Variants in STPG2 observed in about 807,000 individuals in gnomAD.
The protein encoded by STPG2 is sperm-tail PG-rich repeat-containing protein 2.
A neutral mutation model predicts 54.2 loss-of-function variants in STPG2; 56 were observed. The ratio of observed to expected loss-of-function variants is 1.03; its 90% CI spans 0.83 to 1.29. The LOEUF is 1.29. Among genes scored for constraint, STPG2 ranks in the 50% most tolerant of loss-of-function variants. The pLI, the probability that STPG2 is intolerant of heterozygous loss-of-function variation, is 0.00. For missense variants in STPG2, 596 were observed against 544.9 expected (o/e 1.09, Z -0.93); for synonymous variants, 200 against 181.8 (o/e 1.10, Z -0.81).
At chr4:97,527,630 T>C (rs1175497807) in intron 4 of STPG2, among the ~76,000 whole-genome samples, 1 of 152,184 alleles carries the variant, frequency 6.6e-6, no homozygotes, top group Admixed American at 6.5e-5. Context: ...GTAAAATTGT[T>C]CCTATTTATT....
chr4:97,851,156 C>T (rs1016667920), intron 8 of STPG2, among the ~76,000 whole-genome samples: 3 of 152,144 alleles, frequency 2.0e-5, no homozygotes, highest in Non-Finnish European at 4.4e-5. Flanking sequence ...TTAAACAAGT[C>T]TCTAATGACG....
chr4:97,722,335 T>A (rs1334450212), intron 9 of STPG2, among the ~76,000 whole-genome samples: 1 of 152,152 alleles, frequency 6.6e-6, no homozygotes, highest in African/African-American at 2.4e-5. Context: ...TTAGATGAAA[T>A]CTGATACTAC....
At chr4:97,859,414 G>T (rs1345498245) in intron 8 of STPG2, among the ~76,000 whole-genome samples, 1 of 149,714 alleles carries the variant, frequency 6.7e-6, no homozygotes, top group Non-Finnish European at 1.5e-5. Flanking sequence ...GTTTAATTGG[G>T]TTCATCTATT....
chr4:97,680,024 C>T (rs560627339), intron 10 of STPG2, among the ~76,000 whole-genome samples: 1 of 152,242 alleles, frequency 6.6e-6, no homozygotes, highest in South Asian at 2.1e-4. Context: ...GTTTTGGTTA[C>T]TGTAGCCTTG....
At chr4:97,623,662 A>G (rs1446383609) in intron 10 of STPG2, among the ~76,000 whole-genome samples, 3 of 152,178 alleles carry the variant, frequency 2.0e-5, no homozygotes, top group African/African-American at 2.4e-5. Flanking sequence ...TGCAGGATAC[A>G]TGTGCATGAT....
At chr4:97,825,483 A>G (rs1199939692) in intron 9 of STPG2, among the ~76,000 whole-genome samples, 1 of 152,098 alleles carries the variant, frequency 6.6e-6, no homozygotes, top group African/African-American at 2.4e-5. Flanking sequence ...CTCCTGTGGG[A>G]GATGCATTGA....
chr4:98,034,705 A>G (rs1736715800), intron 5 of STPG2, among the ~76,000 whole-genome samples: 1 of 152,198 alleles, frequency 6.6e-6, no homozygotes, highest in South Asian at 2.1e-4. Context: ...ACTATACTAC[A>G]AGCCTACAGT....
rs371187916 is a variant in STPG2, at chr4:97,975,800, C to G, written c.773-3360G>C. On this transcript the variant is annotated intron_variant, in intron 6 of 10. Coordinates refer to ENST00000295268, the MANE Select transcript of STPG2 (RefSeq NM_174952.3). ...TAAAAATAATAGGAATCGATTAGAT[C>G]AGTGTTTGTCCAAGAACAATCTACA... Among the ~76,000 whole-genome samples the G allele has an allele frequency of 9.9e-5, 15 of 152,216 alleles. No individual in the cohort carries two copies. In the East Asian group the frequency reaches 2.7e-3, roughly 27 times the overall value.
At chr4:97,889,936 C>T (rs1356437560) in intron 8 of STPG2, among the ~76,000 whole-genome samples, 1 of 151,890 alleles carries the variant, frequency 6.6e-6, no homozygotes, top group Non-Finnish European at 1.5e-5. Context: ...GCTTGCCCTC[C>T]CTCAAAAAGA....
chr4:97,856,802 A>T, intron 8 of STPG2, among the ~76,000 whole-genome samples: 1 of 152,188 alleles, frequency 6.6e-6, no homozygotes, highest in Non-Finnish European at 1.5e-5. Flanking sequence ...GGTTTGTCAT[A>T]CATGGCTCTC....
At chr4:97,653,861 C>A (rs1358605953) in intron 10 of STPG2, among the ~76,000 whole-genome samples, 1 of 152,022 alleles carries the variant, frequency 6.6e-6, no homozygotes, top group Non-Finnish European at 1.5e-5. Context: ...GAAGAAAGAC[C>A]GCTAATAAAG....
chr4:98,078,180 A>G (rs1180204226), intron 5 of STPG2, among the ~76,000 whole-genome samples: 1 of 152,196 alleles, frequency 6.6e-6, no homozygotes, highest in Non-Finnish European at 1.5e-5. Flanking sequence ...TGTTTCTACT[A>G]AACACTCATT....
chr4:97,963,578 C>T (rs1733976844), intron 7 of STPG2, among the ~76,000 whole-genome samples: 1 of 151,774 alleles, frequency 6.6e-6, no homozygotes, highest in South Asian at 2.1e-4. Flanking sequence ...TCACTTGAAC[C>T]CAGGAGGGCA....
At chr4:97,922,744 G>T (rs543209814) in intron 8 of STPG2, among the ~76,000 whole-genome samples, 158 of 152,262 alleles carry the variant, frequency 1.0e-3, no homozygotes, top group Non-Finnish European at 1.5e-3. Flanking sequence ...GGGAAGAAGG[G>T]ATTTCCCCTT....
At chr4:97,538,802 G>C (rs1299540859) in intron 4 of STPG2, among the ~76,000 whole-genome samples, 1 of 152,150 alleles carries the variant, frequency 6.6e-6, no homozygotes, top group Non-Finnish European at 1.5e-5. Flanking sequence ...GAAAGGTTAG[G>C]TTACCCACAA....
intron 4 of STPG2, among the ~76,000 whole-genome samples, chr4:97,552,402 T>C (rs1020755222): frequency 6.6e-6 from 1 of 152,248 alleles, no homozygotes; most frequent in Non-Finnish European, 1.5e-5. Flanking sequence ...TCTAGAAATT[T>C]ATGGGACAGT....
intron 4 of STPG2, among the ~76,000 whole-genome samples, chr4:97,491,767 A>T (rs990270617): frequency 6.6e-6 from 1 of 151,518 alleles, no homozygotes; most frequent in Non-Finnish European, 1.5e-5. Context: ...CTCTCTGTAT[A>T]ATCTGAAAAC....
chr4:97,804,448 T>C (rs1264561660), intron 9 of STPG2, among the ~76,000 whole-genome samples: 1 of 152,106 alleles, frequency 6.6e-6, no homozygotes, highest in Non-Finnish European at 1.5e-5. Flanking sequence ...GTTGAAACTT[T>C]TTTTTCTATT....
chr4:97,958,113 T>A (rs1302614556), intron 7 of STPG2, among the ~76,000 whole-genome samples: 1 of 151,852 alleles, frequency 6.6e-6, no homozygotes, highest in Non-Finnish European at 1.5e-5. Context: ...AGTTTGAGCC[T>A]AGCCTGGCCA....
Sources: gnomAD v4.1 joint callset for allele counts (sites outside exome capture counted in the v4.1 genomes callset) on GRCh38, gnomAD v4.1.1 for gene constraint, MANE v1.5 for transcripts, NCBI Gene and HGNC (gene_info 2026-07-23, HGNC 2026-07-21) for gene names.